The following NSMCE2 variants were observed in gnomAD, a reference collection of about 807,000 sequenced individuals.
The protein encoded by NSMCE2 is E3 SUMO-protein ligase NSE2.
A neutral mutation model predicts 23.8 loss-of-function variants in NSMCE2; 24 were observed. The observed-to-expected ratio is 1.01, with a 90% CI of 0.73 to 1.42. NSMCE2 has a LOEUF of 1.42. Among genes scored for constraint, NSMCE2 ranks in the 40% most tolerant of loss-of-function variants. The pLI, the probability that NSMCE2 is intolerant of heterozygous loss-of-function variation, is 0.00. For synonymous variants in NSMCE2, 92 were observed against 94.1 expected (o/e 0.98, Z 0.13); for missense variants, 284 against 296.5 (o/e 0.96, Z 0.31).
At chr8:125,184,740 G>A (rs565945723) in intron 5 of NSMCE2, among the ~76,000 whole-genome samples, 96 of 152,096 alleles carry the variant, frequency 6.3e-4, no homozygotes, top group Non-Finnish European at 1.2e-3. Flanking sequence ...ATGTCTAGTG[G>A]ATTTTCTTTC....
intron 5 of NSMCE2, among the ~76,000 whole-genome samples, chr8:125,241,615 T>A (rs529394277): frequency 3.9e-5 from 6 of 152,188 alleles, no homozygotes; most frequent in Non-Finnish European, 8.8e-5. Flanking sequence ...TAAGAATTGA[T>A]CTGTAACTGA....
chr8:125,149,448 T>C (rs923084522), intron 3 of NSMCE2, among the ~76,000 whole-genome samples: 3 of 152,170 alleles, frequency 2.0e-5, no homozygotes, highest in Non-Finnish European at 4.4e-5. Flanking sequence ...CACTAAGATA[T>C]ATGAATGGAG....
intron 1 of NSMCE2, among the ~76,000 whole-genome samples, chr8:125,098,280 C>T (rs369414766): frequency 9.2e-5 from 14 of 152,178 alleles, no homozygotes; most frequent in African/African-American, 3.1e-4. Context: ...CTTGTTAAAA[C>T]GTAGATTGTT....
chr8:125,172,469 T>C (rs934584987), intron 4 of NSMCE2, among the ~76,000 whole-genome samples: 1 of 152,198 alleles, frequency 6.6e-6, no homozygotes, highest in Admixed American at 6.5e-5. Context: ...CAACAAAATG[T>C]TTCCTCCTAA....
At chr8:125,286,774 C>A (rs866464275) in intron 5 of NSMCE2, among the ~76,000 whole-genome samples, 319 of 131,434 alleles carry the variant, frequency 2.4e-3, no homozygotes, top group Middle Eastern at 3.9e-3. Flanking sequence ...AAGCCTAGAG[C>A]AAAAAAAAAA....
chr8:125,118,559 C>T (rs1410834218), intron 3 of NSMCE2, among the ~76,000 whole-genome samples: 2 of 152,150 alleles, frequency 1.3e-5, no homozygotes, highest in South Asian at 2.1e-4. Context: ...CACTAGGTGG[C>T]ACCAGAACAC....
chr8:125,341,655 T>A (rs1425688228), intron 5 of NSMCE2, among the ~76,000 whole-genome samples: 3 of 152,050 alleles, frequency 2.0e-5, no homozygotes, highest in Non-Finnish European at 2.9e-5. Flanking sequence ...AAGAAGAAAG[T>A]GATAGCCTAC....
chr8:125,274,657 C>T (rs1288680211), intron 5 of NSMCE2, among the ~76,000 whole-genome samples: 10 of 152,090 alleles, frequency 6.6e-5, no homozygotes, highest in Admixed American at 5.9e-4. Context: ...TGGCCAGGCA[C>T]GGTGGCTCAT....
intron 3 of NSMCE2, among the ~76,000 whole-genome samples, chr8:125,131,714 G>A (rs1380177815): frequency 1.3e-5 from 2 of 152,172 alleles, no homozygotes; most frequent in South Asian, 2.1e-4. Context: ...CACCTGGGAT[G>A]TATATTTTAA....
At chr8:125,227,423 T>C (rs551012281) in intron 5 of NSMCE2, among the ~76,000 whole-genome samples, 7 of 152,176 alleles carry the variant, frequency 4.6e-5, no homozygotes, top group Middle Eastern at 3.2e-3. Context: ...GGCCTTCCCC[T>C]CCAGAGCCAC....
intron 5 of NSMCE2, among the ~76,000 whole-genome samples, chr8:125,280,709 G>A (rs1827655852): frequency 6.6e-6 from 1 of 152,116 alleles, no homozygotes; most frequent in South Asian, 2.1e-4. Flanking sequence ...TAGTTCTTTT[G>A]TTTGGGTCCC....
intron 5 of NSMCE2, among the ~76,000 whole-genome samples, chr8:125,192,531 A>G (rs928931430): frequency 6.6e-6 from 1 of 152,180 alleles, no homozygotes; most frequent in Non-Finnish European, 1.5e-5. Context: ...GGTAGCAAAT[A>G]GGGAAAAAAC....
At chr8:125,280,269 T>C (rs1827638976) in intron 5 of NSMCE2, among the ~76,000 whole-genome samples, 1 of 152,236 alleles carries the variant, frequency 6.6e-6, no homozygotes, top group Non-Finnish European at 1.5e-5. Flanking sequence ...CTTAGTCTTG[T>C]GTTTATAACT....
At chr8:125,298,476 T>C (rs1828415420) in intron 5 of NSMCE2, among the ~76,000 whole-genome samples, 1 of 152,180 alleles carries the variant, frequency 6.6e-6, no homozygotes, top group African/African-American at 2.4e-5. Context: ...GCAGATTGCC[T>C]GGTCCCTTAG....
intron 3 of NSMCE2, among the ~76,000 whole-genome samples, chr8:125,139,769 T>C (rs1226074914): frequency 1.3e-5 from 2 of 152,214 alleles, no homozygotes; most frequent in Non-Finnish European, 2.9e-5. Context: ...AACTATATCA[T>C]CTTCCCACAT....
At chr8:125,104,525 C>T (rs2130376825) in intron 3 of NSMCE2, among the ~76,000 whole-genome samples, 1 of 152,284 alleles carries the variant, frequency 6.6e-6, no homozygotes, top group East Asian at 1.9e-4. Flanking sequence ...TTGAGTGTCT[C>T]CCGGTCCTAG....
intron 3 of NSMCE2, among the ~76,000 whole-genome samples, chr8:125,139,060 C>T (rs1337150149): frequency 6.6e-6 from 1 of 152,144 alleles, no homozygotes. Context: ...TCTAGGGAGG[C>T]GCTGAATCAG....
At chr8:125,322,207 G>T (rs1174345555) in intron 5 of NSMCE2, among the ~76,000 whole-genome samples, 1 of 151,954 alleles carries the variant, frequency 6.6e-6, no homozygotes, top group Non-Finnish European at 1.5e-5. Context: ...TCTCTACAAA[G>T]AAATTTTAAA....
chr8:125,360,391 G>A (rs532480735), intron 7 of NSMCE2, among the ~76,000 whole-genome samples: 5 of 152,302 alleles, frequency 3.3e-5, no homozygotes, highest in African/African-American at 1.2e-4. Flanking sequence ...CACCAGCAGA[G>A]AGCCAGCAAG....
Sources: allele counts gnomAD v4.1 joint callset (sites outside exome capture counted in the v4.1 genomes callset), GRCh38; gene constraint gnomAD v4.1.1; transcripts MANE v1.5; gene names NCBI Gene and HGNC (gene_info 2026-07-23, HGNC 2026-07-21).